Variants in CSMD1 observed in about 807,000 individuals in gnomAD.
CSMD1 encodes the protein CUB and sushi domain-containing protein 1.
Under a neutral mutation model 417.5 loss-of-function variants are expected in CSMD1, and 213 were observed. That is an observed-to-expected ratio of 0.51 (90% CI 0.46 to 0.57). The LOEUF is 0.57. Among genes scored for constraint, CSMD1 ranks in the 20% least tolerant of loss-of-function variants. The pLI, the probability that CSMD1 is intolerant of heterozygous loss-of-function variation, is 0.00. For synonymous variants in CSMD1, 2,862 were observed against 1,736.8 expected, an observed-to-expected ratio of 1.65 and a Z score of -16.11; for missense variants, 6,923 against 4,529.7, an observed-to-expected ratio of 1.53 and a Z score of -15.17.
chr8:3,542,728 G>C (rs1262290526), intron 10 of CSMD1, among the ~76,000 whole-genome samples: 2 of 152,206 alleles, frequency 1.3e-5, no homozygotes, highest in Non-Finnish European at 2.9e-5. Context: ...GATGCTGTAG[G>C]TTGAGGTAAG....
At chr8:3,296,311 C>A (rs558425447) in intron 25 of CSMD1, among the ~76,000 whole-genome samples, 2 of 151,624 alleles carry the variant, frequency 1.3e-5, no homozygotes, top group Admixed American at 6.6e-5. Flanking sequence ...AGGGGCATAC[C>A]GTCCGCATTT....
At chr8:3,838,473 T>C (rs779881802) in intron 5 of CSMD1, among the ~76,000 whole-genome samples, 2 of 141,536 alleles carry the variant, frequency 1.4e-5, no homozygotes, top group Admixed American at 1.5e-4. Context: ...TATATTATAT[T>C]ATATATAGCC....
At chr8:4,130,501 GAT>G (rs760296117) in intron 3 of CSMD1, among the ~76,000 whole-genome samples, 16 of 152,090 alleles carry the variant, frequency 1.1e-4, no homozygotes, top group Non-Finnish European at 2.1e-4. Flanking sequence ...GAGTTGATTT[GAT>G]TCTTGGCTTT....
chr8:2,962,543 G>A lies in CSMD1; in HGVS notation c.9551C>T (p.Pro3184Leu), dbSNP rs1481691567. The change falls in exon 61 of 70, where the codon CCA becomes CTA. Residue 3184 changes from proline to leucine, a missense_variant. Physicochemically the swap from Pro to Leu is moderately conservative, Grantham distance 98 (BLOSUM62 -3). Transcript: ENST00000635120. ...TCTGGAGGATCCCACGAGTATAAATGGAGATTTGCACTGGAAGAAGACTTC... is the reference window on the plus strand; with the variant it reads ...TCTGGAGGATCCCACGAGTATAAATAGAGATTTGCACTGGAAGAAGACTTC... ...KSEVFFQCKS[P>L]FILVGSSRRV... 5 of 1,613,854 alleles carry A rather than the reference G, an allele frequency of 3.1e-6. 1 individual carries two copies. In the South Asian group the frequency reaches 4.4e-5, roughly 14 times the overall value.
chr8:4,390,183 T>G (rs1167464926), intron 3 of CSMD1, among the ~76,000 whole-genome samples: 1 of 152,234 alleles, frequency 6.6e-6, no homozygotes, highest in East Asian at 1.9e-4. Flanking sequence ...ATTTCCTGAG[T>G]CTGGCTGGTA....
chr8:4,063,343 G>A (rs1799079061), intron 3 of CSMD1, among the ~76,000 whole-genome samples: 1 of 152,014 alleles, frequency 6.6e-6, no homozygotes, highest in South Asian at 2.1e-4. Flanking sequence ...TAAAAATTAT[G>A]TTTAAAGAAA....
intron 9 of CSMD1, among the ~76,000 whole-genome samples, chr8:3,578,611 A>G (rs564085742): frequency 1.1e-3 from 170 of 152,334 alleles, no homozygotes; most frequent in Non-Finnish European, 1.9e-3. Flanking sequence ...ACTCAGAAAC[A>G]TAGACGTATG....
chr8:4,847,879 C>T (rs989664485), intron 1 of CSMD1, among the ~76,000 whole-genome samples: 1 of 151,258 alleles, frequency 6.6e-6, no homozygotes, highest in East Asian at 1.9e-4. Context: ...ATATATGCAA[C>T]CATCACCATA....
chr8:3,342,481 T>G (rs1807721759), intron 23 of CSMD1, among the ~76,000 whole-genome samples: 2 of 152,332 alleles, frequency 1.3e-5, no homozygotes, highest in East Asian at 1.9e-4. Flanking sequence ...CTTTAAACAT[T>G]TTAATTAATT....
At chr8:3,229,093 A>G (rs566286792) in intron 27 of CSMD1, among the ~76,000 whole-genome samples, 24 of 152,276 alleles carry the variant, frequency 1.6e-4, no homozygotes, top group Non-Finnish European at 2.9e-4. Context: ...GCCGTATCAC[A>G]GCTCCCCAAG....
intron 18 of CSMD1, chr8:3,373,583 A>C (rs1054742248): frequency 6.6e-6 from 1 of 152,166 alleles, no homozygotes; most frequent in Non-Finnish European, 1.5e-5. Context: ...AAATACCTGA[A>C]TTACATTTTA....
At chr8:4,699,867 C>T (rs145855548) in intron 1 of CSMD1, among the ~76,000 whole-genome samples, 410 of 152,206 alleles carry the variant, frequency 2.7e-3, no homozygotes, top group Non-Finnish European at 4.2e-3. Flanking sequence ...CGAGCAAGAA[C>T]AAGAGACAAA....
chr8:4,387,980 C>T lies in CSMD1; in HGVS notation c.415+31973G>A, dbSNP rs145128812. On this transcript the variant is annotated intron_variant, in intron 3 of 69. Coordinates refer to ENST00000635120, the MANE Select transcript of CSMD1 (RefSeq NM_033225.6). ...AATTTAAAATTTTACTCTCAGAAGA[C>T]ACAATCATGTTAAACACATAATTGA... Among the ~76,000 whole-genome samples, 36 of 152,192 alleles carry T rather than the reference C, an allele frequency of 2.4e-4. No individual in the cohort carries two copies. In the East Asian group the frequency reaches 6.0e-3, roughly 25 times the overall value.
rs140689284 is a variant in CSMD1, at chr8:3,602,796, T to C, written c.1097+13914A>G. 3.1e-3 allele frequency among the ~76,000 whole-genome samples: 475 copies of C among 152,096 alleles called. 4 individuals carry two copies. Among genetic ancestry groups the C allele is most frequent in the African/African-American group, 0.011 (460 of 41,496 alleles). ...ATTTTGAAGAGCATTTATATTCAAA[T>C]AGTCCCCGAGATGGCATATCTGATG... On this transcript the variant is annotated intron_variant, in intron 8 of 69. Transcript: ENST00000635120.
At chr8:3,499,831 G>C (rs1796521097) in intron 10 of CSMD1, among the ~76,000 whole-genome samples, 1 of 152,054 alleles carries the variant, frequency 6.6e-6, no homozygotes, top group African/African-American at 2.4e-5. Flanking sequence ...TGGCCCTGTG[G>C]GCAGGATGTA....
chr8:4,994,370 A>G lies in CSMD1; in HGVS notation c.47T>C (p.Leu16Pro), dbSNP rs756434329. Reference protein sequence around the residue: ...RFQSLLLLLGLLVLCARLLTA... With the variant: ...RFQSLLLLLGPLVLCARLLTA... ...GAGGAGCCTCGCGCACAGCACCAGC[A>G]GCCCGAGAAGCAGGAGCAGCGACTG... The change falls in exon 1 of 70, where the codon CTG becomes CCG. Residue 16 changes from leucine to proline, a missense_variant. By Grantham distance (98) the Leu-to-Pro change is moderately conservative. Transcript: ENST00000635120. The G allele has an allele frequency of 3.1e-6, 5 of 1,612,136 alleles. No homozygotes were observed. The East Asian group carries it at 1.1e-4, about 36-fold the overall frequency.
intron 30 of CSMD1, among the ~76,000 whole-genome samples, chr8:3,212,640 C>T (rs1265342751): frequency 1.3e-5 from 2 of 152,058 alleles, no homozygotes; most frequent in Non-Finnish European, 2.9e-5. Flanking sequence ...AGGTGTGAGC[C>T]ACTACACCTG....
chr8:3,194,992 T>A (rs1375287211), intron 33 of CSMD1, among the ~76,000 whole-genome samples: 1 of 152,170 alleles, frequency 6.6e-6, no homozygotes, highest in Non-Finnish European at 1.5e-5. Flanking sequence ...AGGGGTTCAA[T>A]ATAGAAATAT....
intron 54 of CSMD1, among the ~76,000 whole-genome samples, chr8:2,993,317 C>A (rs774273448): frequency 1.3e-5 from 2 of 152,148 alleles, no homozygotes; most frequent in African/African-American, 4.8e-5. Flanking sequence ...TCTAAATCAT[C>A]CCCCTTGTTG....
Sources: gnomAD v4.1 joint callset for allele counts (sites outside exome capture counted in the v4.1 genomes callset) on GRCh38, gnomAD v4.1.1 for gene constraint, MANE v1.5 for transcripts, NCBI Gene and HGNC (gene_info 2026-07-23, HGNC 2026-07-21) for gene names.